The following TIMD4 variants were observed in gnomAD, a reference collection of about 807,000 sequenced individuals.
TIMD4 encodes T-cell immunoglobulin and mucin domain-containing protein 4.
In TIMD4, 31 loss-of-function variants were observed where a neutral mutation model predicts 41.2. That is an observed-to-expected ratio of 0.75 (90% confidence interval 0.57 to 1.01). The LOEUF (loss-of-function observed/expected upper bound fraction) is 1.01. Among genes scored for constraint, TIMD4 ranks in the 50% least tolerant of loss-of-function variants. The probability of loss-of-function intolerance (pLI) is 0.00; values close to 1 mark genes in which losing one functional copy is unlikely to be tolerated. For synonymous variants in TIMD4, 204 were observed against 177.1 expected (o/e 1.15, Z -1.21); for missense variants, 479 against 472.5 (o/e 1.01, Z -0.13).
Position 156,951,769 on chromosome 5 carries a change from G to A in TIMD4, c.422C>T (p.Thr141Ile), listed in dbSNP as rs1266782808. The A allele has an allele frequency of 6.2e-7, 1 of 1,614,058 alleles. No homozygotes were observed. The highest frequency in any genetic ancestry group is 8.5e-7 in the Non-Finnish European group (1 of 1,180,008). ...TGTTCTGCGTGTGGTGGTGGTTGCT[G>A]TTCTGTGCGTGGTTGTTGAGGCTGT... ...LQRASTTTHR[T>I]ATTTTRRTTT... Residue 141 changes from threonine (T) to isoleucine (I), a missense_variant, in exon 3 of 9, where the codon ACA (threonine) becomes ATA (isoleucine). Thr to Ile is a moderately conservative substitution (Grantham distance 89, BLOSUM62 -1). Transcript: ENST00000274532.
intron 1 of TIMD4, among the ~76,000 whole-genome samples, chr5:156,961,866 A>G (rs1753069058): frequency 6.7e-6 from 1 of 149,158 alleles, no homozygotes; most frequent in Non-Finnish European, 1.5e-5. Context: ...AATGTGGTAT[A>G]TAAACACAGT....
chr5:156,942,378 G>A lies in TIMD4; in HGVS notation c.844+6038C>T, dbSNP rs1759665257. Among the ~76,000 whole-genome samples, 4 of 152,256 alleles carry A rather than the reference G, an allele frequency of 2.6e-5. No individual in the cohort carries two copies. The South Asian group carries it at 8.3e-4, about 32-fold the overall frequency. ...TAGCTCTCTTCCTAACTCACTACAA[G>A]CCTTCTCTCAATTCCCTGGCCTTCT... On this transcript the variant is annotated intron_variant, in intron 5 of 8. Coordinates refer to ENST00000274532, the MANE Select transcript of TIMD4 (RefSeq NM_138379.3).
In TIMD4 at chr5:156,922,216, T is replaced by C. The variant is rs760788212; in HGVS notation, c.895A>G (p.Met299Val). The part of the protein sequence containing the change: ...EQNKTTKTGQ[M>V]DGIPMSMKNE... Reference sequence around the variant, plus strand: ...TTCATTGACATGGGTATTCCATCCATCTGATGGGACACAGGCAAGGAGATG... The same window carrying C: ...TTCATTGACATGGGTATTCCATCCACCTGATGGGACACAGGCAAGGAGATG... The change falls in exon 7 of 9, where the codon ATG (methionine) becomes GTG (valine). Residue 299 changes from methionine to valine, a missense_variant and splice_region_variant. Coordinates refer to ENST00000274532, the MANE Select transcript of TIMD4 (RefSeq NM_138379.3). 5.6e-6 allele frequency: 9 copies of C among 1,610,430 alleles called. No homozygotes were observed. Among genetic ancestry groups the C allele is most frequent in the African/African-American group, 4.0e-5 (3 of 74,840 alleles).
intron 5 of TIMD4, among the ~76,000 whole-genome samples, chr5:156,944,018 C>T (rs1759692227): frequency 6.6e-6 from 1 of 151,348 alleles, no homozygotes; most frequent in East Asian, 1.9e-4. Context: ...CGAGACCATG[C>T]CACTGCACTC....
rs553543452 is a variant in TIMD4, at chr5:156,919,783, C to T, written c.1053-242G>A. Among the ~76,000 whole-genome samples the T allele has an allele frequency of 1.8e-4, 28 of 152,250 alleles. 1 individual carries two copies. Among genetic ancestry groups the T allele is most frequent in the Middle Eastern group, 3.4e-3 (1 of 294 alleles). On this transcript the variant is annotated intron_variant, in intron 8 of 8. Coordinates refer to ENST00000274532, the MANE Select transcript of TIMD4 (RefSeq NM_138379.3). ...AAAATATAAAATCATGATTTCAATA[C>T]GTTTATTTACCAAAAGGTCTCTAAG... is the stretch of plus-strand genomic sequence containing the variant.
chr5:156,948,696 A>G (rs1759792472), intron 4 of TIMD4, among the ~76,000 whole-genome samples, 197 bp from the exon 5 acceptor site: 2 of 152,246 alleles, frequency 1.3e-5, no homozygotes, highest in Admixed American at 1.3e-4. Context: ...AACACAGGAT[A>G]GGTGTTATTC....
intron 6 of TIMD4, among the ~76,000 whole-genome samples, chr5:156,923,143 A>ATTT (rs375276732): frequency 2.2e-5 from 3 of 135,046 alleles, no homozygotes; most frequent in Non-Finnish European, 3.2e-5. Flanking sequence ...CTGGGATTAA[A>ATTT]TTTTTTTTTT....
intron 5 of TIMD4, among the ~76,000 whole-genome samples, chr5:156,947,416 A>G (rs115974061): frequency 2.4e-4 from 36 of 152,290 alleles, no homozygotes; most frequent in African/African-American, 8.7e-4. Context: ...TTTAACCAGC[A>G]ATTTTTACTT....
intron 5 of TIMD4, among the ~76,000 whole-genome samples, chr5:156,927,158 T>C (rs1344802434): frequency 6.6e-6 from 1 of 152,218 alleles, no homozygotes; most frequent in African/African-American, 2.4e-5. Context: ...TGTAGTTCAT[T>C]GAAAGTTTTA....
chr5:156,960,096 G>GA (rs11307840), intron 1 of TIMD4, among the ~76,000 whole-genome samples: 7 of 149,970 alleles, frequency 4.7e-5, no homozygotes, highest in Admixed American at 6.7e-5. Context: ...AGGCACCTAT[G>GA]AAAAAAAAAA....
At chr5:156,945,858 T>G (rs932795837) in intron 5 of TIMD4, among the ~76,000 whole-genome samples, 7 of 152,110 alleles carry the variant, frequency 4.6e-5, no homozygotes, top group Admixed American at 2.6e-4. Context: ...AAAACAAAAA[T>G]ATGAGCATCT....
Position 156,954,811 on chromosome 5 carries a change from G to A in TIMD4, c.59-55C>T, listed in dbSNP as rs112926762. 19 of 1,430,968 alleles carry A rather than the reference G, an allele frequency of 1.3e-5. No homozygotes were observed. The African/African-American group carries it at 1.4e-4, about 11-fold the overall frequency. The allele number at this position is 1,430,968 out of a possible 1,614,324, so 88.6% of individuals were successfully genotyped here. A position where few individuals can be genotyped will look rare whatever the true frequency, so the allele number is the denominator to read the frequency against. On this transcript the variant is annotated intron_variant, in intron 1 of 8. Coordinates refer to ENST00000274532, the MANE Select transcript of TIMD4 (RefSeq NM_138379.3). ...TGCAGTACTGAAATCTCTCAAACAT[G>A]CTACACAGTTTTTGTGCTAATAGAT... is the stretch of plus-strand genomic sequence containing the variant.
intron 1 of TIMD4, among the ~76,000 whole-genome samples, 174 bp from the exon 2 acceptor site, chr5:156,954,930 T>C (rs1192238825): frequency 1.3e-5 from 2 of 151,516 alleles, no homozygotes; most frequent in African/African-American, 4.9e-5. Flanking sequence ...CAGGCTGGAG[T>C]GCAGTGGTAC....
intron 5 of TIMD4, among the ~76,000 whole-genome samples, chr5:156,941,451 C>T (rs898332038): frequency 7.2e-5 from 11 of 152,214 alleles, no homozygotes; most frequent in Admixed American, 2.0e-4. Flanking sequence ...TTAAACCAGA[C>T]TGTTAAATAA....
intron 3 of TIMD4, 141 bp downstream of exon 3, chr5:156,951,371 T>TAGGTCTGCA (rs1759849649): frequency 3.8e-6 from 4 of 1,063,046 alleles, no homozygotes; most frequent in Non-Finnish European, 5.4e-6. Context: ...GTCTGCGGTG[T>TAGGTCTGCA]TTGTTTGATA....
At chr5:156,947,197 C>CAA (rs200061681) in intron 5 of TIMD4, among the ~76,000 whole-genome samples, 17 of 140,452 alleles carry the variant, frequency 1.2e-4, no homozygotes, top group Non-Finnish European at 1.5e-4. Flanking sequence ...GGCTCTGTCT[C>CAA]AAAAAAAAAA....
chr5:156,938,195 C>T (rs776130717), intron 5 of TIMD4, among the ~76,000 whole-genome samples: 1 of 152,182 alleles, frequency 6.6e-6, no homozygotes, highest in Non-Finnish European at 1.5e-5. Flanking sequence ...TACCTAAGGA[C>T]GAGTGCTCAC....
At chr5:156,951,854 G>A (rs968415280) in intron 2 of TIMD4, 64 bp from the exon 3 acceptor site, 12 of 1,593,754 alleles carry the variant, frequency 7.5e-6, no homozygotes. Context: ...AATAATGCAA[G>A]TATATCTGGG....
chr5:156,926,005 G>T (rs551055356), intron 6 of TIMD4, among the ~76,000 whole-genome samples: 1 of 152,260 alleles, frequency 6.6e-6, no homozygotes, highest in Non-Finnish European at 1.5e-5. Context: ...CTGGGTTCAA[G>T]CAATTCTCAT....
Sources: allele counts gnomAD v4.1 joint callset (sites outside exome capture counted in the v4.1 genomes callset), GRCh38; gene constraint gnomAD v4.1.1; transcripts MANE v1.5; gene names NCBI Gene and HGNC (gene_info 2026-07-23, HGNC 2026-07-21).